Variants in LAT2 observed in about 807,000 individuals in gnomAD.
The protein encoded by LAT2 is linker for activation of T cells family member 2.
In LAT2, 23 loss-of-function variants were observed where a neutral mutation model predicts 43.4. The observed-to-expected ratio is 0.53, with a 90% CI of 0.38 to 0.75. The LOEUF is 0.75. Ranked by LOEUF, LAT2 falls within the 30% of genes least tolerant of loss-of-function variation. The pLI is 0.00. For missense variants in LAT2, 284 were observed against 310.2 expected (o/e 0.92, Z 0.64); for synonymous variants, 128 against 123.2 (o/e 1.04, Z -0.26).
chr7:74,229,265 TGTCCAACACTGGTA>T lies in LAT2; in HGVS notation c.*341_*354del, dbSNP rs1554716523. The T allele has an allele frequency of 1.3e-5, 2 of 152,504 alleles. No individual in the cohort carries two copies. The highest frequency in any genetic ancestry group is 4.8e-5 in the African/African-American group (2 of 41,460). 9.4% of individuals were successfully genotyped at this position (152,504 alleles called of 1,614,324 possible). A position where few individuals can be genotyped will look rare whatever the true frequency, so the allele number is the denominator to read the frequency against. ...CACCCAGTCCCCATAACAAAACCAC[TGTCCAACACTGGTA>T]TCTGTGTTCTTTTGTGCTATGAATT... On this transcript the variant is annotated 3_prime_UTR_variant, in exon 14 of 14. Transcript: ENST00000460943.
Position 74,216,050 on chromosome 7 carries a change from T to C in LAT2, c.75T>C (p.Cys25=), listed in dbSNP as rs782359226. 23 of 1,612,866 alleles carry C rather than the reference T, an allele frequency of 1.4e-5. No individual in the cohort carries two copies. The highest frequency in any genetic ancestry group is 1.9e-5 in the Non-Finnish European group (23 of 1,179,626). ...LVLLGVAASL[C]VRCSRPGAKR... ...TGTTGGGGGTGGCAGCCAGTCTGTG[T>C]GTGCGCTGCTCACGCCCAGGTAAGC... The change falls in exon 3 of 14, where the codon TGT becomes TGC. Residue 25 remains cysteine, a synonymous_variant. Coordinates refer to ENST00000460943, the MANE Select transcript of LAT2 (RefSeq NM_032464.3).
intron 1 of LAT2, among the ~76,000 whole-genome samples, chr7:74,214,305 TAAATATATATATGAAAATATATATATAA>T: frequency 2.6e-5 from 2 of 77,894 alleles, no homozygotes; most frequent in Non-Finnish European, 4.3e-5. Flanking sequence ...AATATATATA[TAAATATATATATGAAAATATATATATAA>T]ATATATATAT....
At chr7:74,212,620 C>T (rs2116075656) in intron 1 of LAT2, among the ~76,000 whole-genome samples, 1 of 152,248 alleles carries the variant, frequency 6.6e-6, no homozygotes, top group East Asian at 1.9e-4. Flanking sequence ...GGCTCTCAGG[C>T]AGAGGCTAGA....
chr7:74,224,663 C>T lies in LAT2; in HGVS notation c.653C>T (p.Pro218Leu), dbSNP rs781842119. The change falls in exon 13 of 14, where the codon CCT becomes CTT. Residue 218 changes from proline to leucine, a missense_variant. Transcript: ENST00000460943. ...GGGCAACTCCAGAGAGAAGCATCCC[C>T]TGGCCCGGTGGGAAGCCCAGACGAG... ...VMGQLQREAS[P>L]GPVGSPDEED... The T allele has an allele frequency of 5.6e-5, 90 of 1,605,994 alleles. No individual in the cohort carries two copies. The highest frequency in any genetic ancestry group is 6.6e-5 in the Non-Finnish European group (78 of 1,176,652).
Position 74,220,467 on chromosome 7 carries a change from G to C in LAT2, c.266-117G>C, listed in dbSNP as rs982340711. ...GCACATGCCCCACTGAGGGGACAGG[G>C]AGCACTGCAAAGGCTCAGACACGGG... is the stretch of plus-strand genomic sequence containing the variant. On this transcript the variant is annotated intron_variant, in intron 7 of 13. Transcript: ENST00000460943. The surrounding 1 kb of genome is among the most constrained non-coding windows in gnomAD (Gnocchi z 4.5). The C allele has an allele frequency of 2.2e-6, 3 of 1,380,874 alleles. No individual in the cohort carries two copies. The highest frequency in any genetic ancestry group is 1.0e-6 in the Non-Finnish European group (1 of 981,426). The allele number at this position is 1,380,874 out of a possible 1,614,324, so 85.5% of individuals were successfully genotyped here.
chr7:74,223,821 G>A (rs1554715664), intron 11 of LAT2, 38 bp downstream of exon 11: 6 of 1,599,344 alleles, frequency 3.8e-6, no homozygotes. Flanking sequence ...GGGGCTGGGA[G>A]CAGCAGGCCT....
At position 74,221,671 on chromosome 7, in the gene LAT2, C is replaced by T. The variant is rs202213143; in HGVS notation, c.367C>T (p.Arg123Trp). The part of the protein sequence containing the change: ...PIAMEYYNWG[R>W]FSKPPEDDDA... ...TGCCATGGAGTATTACAACTGGGGG[C>T]GGTTCTCGAAGCCCCCAGAAGGTGA... The change falls in exon 10 of 14, where the codon CGG becomes TGG. Residue 123 changes from arginine (R) to tryptophan (W), a missense_variant. Physicochemically the swap from Arg to Trp is moderately radical, Grantham distance 101. Coordinates refer to ENST00000460943, the MANE Select transcript of LAT2 (RefSeq NM_032464.3). 2.7e-5 allele frequency: 44 copies of T among 1,612,718 alleles called. No homozygotes were observed. The East Asian group carries it at 6.7e-4, about 25-fold the overall frequency.
chr7:74,220,255 G>A lies in LAT2; in HGVS notation c.265+1G>A, dbSNP rs782341982. 6.2e-7 allele frequency: 1 copy of A among 1,611,452 alleles called. No individual in the cohort carries two copies. Among genetic ancestry groups the A allele is most frequent in the Non-Finnish European group, 8.5e-7 (1 of 1,178,458 alleles). ...TTGCAATTCTACCCCAGCCTGGAGG[G>A]TGAGTGGCACAGGGCAGGGACAGGG... is the stretch of plus-strand genomic sequence containing the variant. On this transcript the variant is annotated splice_donor_variant, in intron 7 of 13. Coordinates refer to ENST00000460943, the MANE Select transcript of LAT2 (RefSeq NM_032464.3). LOFTEE classifies it high-confidence loss of function. The surrounding 1 kb of genome is among the most constrained non-coding windows in gnomAD (Gnocchi z 4.5).
At position 74,215,975 on chromosome 7, in the gene LAT2, C is replaced by T. The variant is rs1230104190; in HGVS notation, c.-1C>T. 5 of 1,614,096 alleles carry T rather than the reference C, an allele frequency of 3.1e-6. No individual in the cohort carries two copies. Among genetic ancestry groups the T allele is most frequent in the Non-Finnish European group, 4.2e-6 (5 of 1,179,984 alleles). Reference sequence around the variant, plus strand: ...CACAAGAGGCAACACCAGGAGCCAACATGAGCTCGGGGACTGAACTGCTGT... The same window carrying T: ...CACAAGAGGCAACACCAGGAGCCAATATGAGCTCGGGGACTGAACTGCTGT... On this transcript the variant is annotated 5_prime_UTR_variant, in exon 3 of 14. Transcript: ENST00000460943.
Position 74,224,004 on chromosome 7 carries a change from C to G in LAT2, c.449-14C>G. ...GGGACTGAGCCAAGGGGGGCCTATT[C>G]TCCCTCTCTGCAGGTGCCCAGCAGG... is the stretch of plus-strand genomic sequence containing the variant. On this transcript the variant is annotated splice_polypyrimidine_tract_variant and intron_variant, in intron 11 of 13. Transcript: ENST00000460943. 2 of 1,612,102 alleles carry G rather than the reference C, an allele frequency of 1.2e-6. No homozygotes were observed. Among genetic ancestry groups the G allele is most frequent in the Non-Finnish European group, 1.7e-6 (2 of 1,179,244 alleles).
At chr7:74,214,690 AAT>A (rs1356289393) in intron 1 of LAT2, 130 bp from the exon 2 acceptor site, 3 of 77,604 alleles carry the variant, frequency 3.9e-5, no homozygotes, top group Admixed American at 1.8e-4. Flanking sequence ...ATATGAAAAT[AAT>A]ATATATAAAT....
chr7:74,225,965 C>A (rs1305419509), intron 13 of LAT2: 2 of 152,336 alleles, frequency 1.3e-5, no homozygotes, highest in Non-Finnish European at 2.9e-5. Flanking sequence ...GAACAGCAAA[C>A]CCCTGACCCC....
At chr7:74,211,655 C>T (rs782553601) in intron 1 of LAT2, among the ~76,000 whole-genome samples, 3 of 151,980 alleles carry the variant, frequency 2.0e-5, no homozygotes, top group Admixed American at 6.6e-5. Context: ...GACGGGGTTT[C>T]GCCATGTTAG....
chr7:74,214,295 A>C (rs1428274782), intron 1 of LAT2, among the ~76,000 whole-genome samples: 5 of 61,510 alleles, frequency 8.1e-5, no homozygotes, highest in Non-Finnish European at 1.4e-4. Context: ...TATATATGAA[A>C]ATATATATAT....
intron 3 of LAT2, 28 bp from the exon 4 acceptor site, chr7:74,216,797 C>G (rs1802063867): frequency 6.2e-7 from 1 of 1,612,234 alleles, no homozygotes; most frequent in South Asian, 1.1e-5. Context: ...CTCCCAGACC[C>G]TTTGCTAATC....
rs1554714944 is a variant in LAT2, at chr7:74,220,235, A to G, written c.246A>G (p.Gln82=). The change falls in exon 7 of 14, where the codon CAA becomes CAG. Residue 82 remains glutamine (Q), a synonymous_variant. Transcript: ENST00000460943. This position sits in a 1 kb window ranked among gnomAD's most constrained non-coding sequence, Gnocchi z 4.5. Reference sequence around the variant, plus strand: ...CCTGCAGGAAGGACAAGCTGTTGCAATTCTACCCCAGCCTGGAGGGTGAGT... The same window carrying G: ...CCTGCAGGAAGGACAAGCTGTTGCAGTTCTACCCCAGCCTGGAGGGTGAGT... ...MAPTRKDKLL[Q]FYPSLEDPAS... is the part of the protein sequence containing the mutation. 1 of 1,611,548 alleles carries G rather than the reference A, an allele frequency of 6.2e-7. No individual in the cohort carries two copies. The highest frequency in any genetic ancestry group is 1.7e-4 in the Middle Eastern group (1 of 6,046).
At chr7:74,215,330 C>G (rs1554714094) in intron 2 of LAT2, 1 of 152,844 alleles carries the variant, frequency 6.5e-6, no homozygotes, top group African/African-American at 2.4e-5. Flanking sequence ...AATGGAAGCC[C>G]CATTCCCAGG....
chr7:74,219,933 C>A, intron 5 of LAT2, 27 bp from the exon 6 acceptor site: 1 of 1,613,184 alleles, frequency 6.2e-7, no homozygotes, highest in South Asian at 1.1e-5. Context: ...GGGGCCCAGC[C>A]AACACCCCAC....
Position 74,224,108 on chromosome 7 carries a change from C to T in LAT2, c.539C>T (p.Pro180Leu). The T allele has an allele frequency of 1.2e-6, 2 of 1,614,168 alleles. No individual in the cohort carries two copies. The highest frequency in any genetic ancestry group is 1.7e-6 in the Non-Finnish European group (2 of 1,180,018). ...LKTGPTSGLC[P>L]SASPEEDEES... ...ACTGGCCCCACTTCTGGTCTCTGTC[C>T]CTCTGCCTCCCCGGAAGAAGATGAG... The change falls in exon 12 of 14, where the codon CCC becomes CTC. Residue 180 changes from proline to leucine, a missense_variant. Physicochemically the swap from Pro to Leu is moderately conservative, Grantham distance 98. Transcript: ENST00000460943.
Sources: gnomAD v4.1 joint callset for allele counts (sites outside exome capture counted in the v4.1 genomes callset) on GRCh38, gnomAD v4.1.1 for gene constraint, Gnocchi (gnomAD v3.1) non-coding constraint, MANE v1.5 for transcripts, NCBI Gene and HGNC (gene_info 2026-07-23, HGNC 2026-07-21) for gene names.